The following CADM2 variants were observed in gnomAD, a reference collection of about 807,000 sequenced individuals.
CADM2 encodes cell adhesion molecule 2, also known as immunoglobulin superfamily member 4D.
In CADM2, 12 loss-of-function variants were observed where a neutral mutation model predicts 49.8. The ratio of observed to expected loss-of-function variants is 0.24; its 90% CI spans 0.15 to 0.39. The LOEUF is 0.39. Ranked by LOEUF, CADM2 falls within the 10% of genes least tolerant of loss-of-function variation. The pLI, the probability that CADM2 is intolerant of heterozygous loss-of-function variation, is 1.00. For missense variants in CADM2, 378 were observed against 492.3 expected (o/e 0.77, Z 2.20); for synonymous variants, 214 against 175.4 (o/e 1.22, Z -1.74).
rs372374174 is a variant in CADM2, at chr3:85,823,800, G to A, written c.238+21604G>A. Among the ~76,000 whole-genome samples the A allele has an allele frequency of 4.6e-5, 7 of 152,216 alleles. No individual in the cohort carries two copies. In the East Asian group the frequency reaches 1.4e-3, roughly 29 times the overall value. On this transcript the variant is annotated intron_variant, in intron 3 of 9. Transcript: ENST00000383699. Reference sequence around the variant, plus strand: ...ACCTTGTAGAGAAATTTATCTGTCTGTTTATAGCTATGCGTCAACATTTTG... The same window carrying A: ...ACCTTGTAGAGAAATTTATCTGTCTATTTATAGCTATGCGTCAACATTTTG...
intron 3 of CADM2, among the ~76,000 whole-genome samples, chr3:85,831,730 T>C (rs1227622407): frequency 6.6e-6 from 1 of 152,056 alleles, no homozygotes; most frequent in Non-Finnish European, 1.5e-5. Context: ...TTTTGGATAT[T>C]AGACTTTTGT....
intron 1 of CADM2, among the ~76,000 whole-genome samples, chr3:85,132,732 A>G (rs1265933813): frequency 2.6e-5 from 4 of 152,134 alleles, no homozygotes; most frequent in Admixed American, 2.6e-4. Flanking sequence ...TGTTCTGTCA[A>G]TAAATGCAAA....
intron 1 of CADM2, among the ~76,000 whole-genome samples, chr3:85,344,490 G>A (rs1423280329): frequency 6.6e-6 from 1 of 151,782 alleles, no homozygotes; most frequent in Non-Finnish European, 1.5e-5. Flanking sequence ...TAAAGACCAG[G>A]GGGGTGTTTG....
intron 2 of CADM2, among the ~76,000 whole-genome samples, chr3:85,767,638 A>G (rs563347502): frequency 8.5e-5 from 13 of 152,176 alleles, no homozygotes; most frequent in Non-Finnish European, 1.3e-4. Context: ...ACCTCCAACC[A>G]CGACCTTCTG....
chr3:85,403,346 G>A (rs2035211282), intron 1 of CADM2, among the ~76,000 whole-genome samples: 1 of 152,114 alleles, frequency 6.6e-6, no homozygotes, highest in Non-Finnish European at 1.5e-5. Flanking sequence ...ATCCTCACAT[G>A]TTAGTGTTCA....
chr3:86,034,913 C>G (rs1054241148), intron 8 of CADM2, among the ~76,000 whole-genome samples: 1 of 151,838 alleles, frequency 6.6e-6, no homozygotes. Flanking sequence ...TTCTCTCCAC[C>G]CCTACTTCTG....
At chr3:85,534,116 T>G (rs2106978515) in intron 1 of CADM2, among the ~76,000 whole-genome samples, 1 of 152,286 alleles carries the variant, frequency 6.6e-6, no homozygotes, top group African/African-American at 2.4e-5. Flanking sequence ...CACCATCCAC[T>G]TAGGAAAATA....
chr3:85,652,653 T>C (rs185084581), intron 1 of CADM2, among the ~76,000 whole-genome samples: 1 of 151,912 alleles, frequency 6.6e-6, no homozygotes, highest in African/African-American at 2.4e-5. Flanking sequence ...ACAGAATGTG[T>C]GGTGGGGGAA....
intron 8 of CADM2, among the ~76,000 whole-genome samples, chr3:86,050,238 G>T: frequency 6.6e-6 from 1 of 152,204 alleles, no homozygotes. Flanking sequence ...AAATCTTAAA[G>T]CTTCAAAATA....
chr3:85,284,165 C>A (rs1219267730), intron 1 of CADM2, among the ~76,000 whole-genome samples: 1 of 152,096 alleles, frequency 6.6e-6, no homozygotes, highest in African/African-American at 2.4e-5. Flanking sequence ...AATTTTCCTT[C>A]TTAAAAATTT....
chr3:85,529,428 C>T (rs2061244848), intron 1 of CADM2, among the ~76,000 whole-genome samples: 1 of 152,156 alleles, frequency 6.6e-6, no homozygotes, highest in South Asian at 2.1e-4. Flanking sequence ...ATCTTATATC[C>T]ATTGATTGCT....
At chr3:85,573,586 C>T (rs2062546332) in intron 1 of CADM2, among the ~76,000 whole-genome samples, 1 of 152,094 alleles carries the variant, frequency 6.6e-6, no homozygotes, top group African/African-American at 2.4e-5. Flanking sequence ...GAATTAAAAC[C>T]TCTTGGAATT....
intron 8 of CADM2, among the ~76,000 whole-genome samples, chr3:85,989,824 C>G (rs1728539667): frequency 1.3e-5 from 2 of 151,676 alleles, no homozygotes; most frequent in South Asian, 4.2e-4. Context: ...CCAGCCTGCC[C>G]AACATGGTGA....
chr3:85,095,829 G>C (rs1261621352), intron 1 of CADM2, among the ~76,000 whole-genome samples: 2 of 152,002 alleles, frequency 1.3e-5, no homozygotes, highest in African/African-American at 4.8e-5. Flanking sequence ...GGAAGCCCTG[G>C]TCTGACAGGC....
At chr3:85,370,257 T>TAAA (rs2033125086) in intron 1 of CADM2, among the ~76,000 whole-genome samples, 4 of 143,468 alleles carry the variant, frequency 2.8e-5, no homozygotes, top group African/African-American at 7.7e-5. Flanking sequence ...ATAATAATAA[T>TAAA]AAAATTTTAA....
chr3:85,393,822 T>G (rs2034635655), intron 1 of CADM2, among the ~76,000 whole-genome samples: 1 of 152,150 alleles, frequency 6.6e-6, no homozygotes, highest in Admixed American at 6.6e-5. Context: ...TTTTAAAACT[T>G]TGTCTTAAAG....
chr3:85,775,972 T>G (rs2070340894), intron 2 of CADM2, among the ~76,000 whole-genome samples: 1 of 151,820 alleles, frequency 6.6e-6, no homozygotes, highest in Non-Finnish European at 1.5e-5. Flanking sequence ...TAACACGAAT[T>G]CATTGATCTA....
At chr3:85,337,791 A>G (rs1174905604) in intron 1 of CADM2, among the ~76,000 whole-genome samples, 1 of 151,440 alleles carries the variant, frequency 6.6e-6, no homozygotes, top group Admixed American at 6.6e-5. Context: ...TTTACTATAA[A>G]ATTTTCATTT....
chr3:85,324,053 T>C (rs2044686054), intron 1 of CADM2, among the ~76,000 whole-genome samples: 1 of 152,212 alleles, frequency 6.6e-6, no homozygotes, highest in South Asian at 2.1e-4. Flanking sequence ...TCTGTATTTA[T>C]ATTTTTCGTT....
Sources: allele counts gnomAD v4.1 joint callset (sites outside exome capture counted in the v4.1 genomes callset), GRCh38; gene constraint gnomAD v4.1.1; transcripts MANE v1.5; gene names NCBI Gene and HGNC (gene_info 2026-07-23, HGNC 2026-07-21).